EPM2A: variants seen among roughly 807,000 people sequenced by gnomAD.
EPM2A encodes EPM2A glucan phosphatase, laforin.
EPM2A carries 21 observed loss-of-function variants against 26.5 expected under a neutral mutation model. The ratio of observed to expected loss-of-function variants is 0.79; its 90% confidence interval spans 0.56 to 1.14. EPM2A has a LOEUF of 1.14. Among genes scored for constraint, EPM2A ranks in the 50% most tolerant of loss-of-function variants. The pLI is 0.00. For synonymous variants in EPM2A, 217 were observed against 177.6 expected (o/e 1.22, Z -1.76); for missense variants, 458 against 440.8 (o/e 1.04, Z -0.35).
intron 1 of EPM2A, among the ~76,000 whole-genome samples, chr6:145,686,662 C>G (rs1374666934): frequency 6.6e-6 from 1 of 152,094 alleles, no homozygotes; most frequent in African/African-American, 2.4e-5. Flanking sequence ...TTATACACTT[C>G]TATCTTTCTG....
chr6:145,427,115 A>G (rs1363381974), intron 4 of EPM2A, among the ~76,000 whole-genome samples: 1 of 152,234 alleles, frequency 6.6e-6, no homozygotes, highest in East Asian at 1.9e-4. Context: ...ACACAGCATC[A>G]TTCAACAAAT....
At chr6:145,606,481 G>A (rs1775261543) in intron 2 of EPM2A, among the ~76,000 whole-genome samples, 1 of 151,730 alleles carries the variant, frequency 6.6e-6, no homozygotes, top group Non-Finnish European at 1.5e-5. Flanking sequence ...ATTAAATACT[G>A]TATTAAACTT....
chr6:145,615,570 G>A (rs995530590), intron 2 of EPM2A, among the ~76,000 whole-genome samples: 2 of 152,076 alleles, frequency 1.3e-5, no homozygotes, highest in African/African-American at 2.4e-5. Context: ...TGGGTAACAG[G>A]CAGGGGCTGG....
intron 2 of EPM2A, chr6:145,671,158 T>C: frequency 9.9e-7 from 1 of 1,005,870 alleles, no homozygotes; most frequent in Non-Finnish European, 1.2e-6. Context: ...CCAAAAAAGA[T>C]TCTTGTCGAA....
intron 4 of EPM2A, among the ~76,000 whole-genome samples, chr6:145,456,068 T>C (rs1241315321): frequency 6.6e-6 from 1 of 152,170 alleles, no homozygotes; most frequent in Non-Finnish European, 1.5e-5. Context: ...GTGTTGTTCT[T>C]ATTGTATGTA....
chr6:145,495,765 T>C (rs1000762611), intron 4 of EPM2A, among the ~76,000 whole-genome samples: 1 of 151,982 alleles, frequency 6.6e-6, no homozygotes, highest in Non-Finnish European at 1.5e-5. Context: ...TTAGTAGAGA[T>C]GGGGTTTCAC....
At chr6:145,713,501 C>T (rs556518625) in intron 1 of EPM2A, among the ~76,000 whole-genome samples, 14 of 152,264 alleles carry the variant, frequency 9.2e-5, no homozygotes, top group African/African-American at 3.4e-4. Flanking sequence ...AGATACTCAA[C>T]ATCATTAGTC....
chr6:145,567,622 A>G (rs1360127606), intron 2 of EPM2A, among the ~76,000 whole-genome samples: 2 of 152,240 alleles, frequency 1.3e-5, no homozygotes, highest in East Asian at 3.8e-4. Flanking sequence ...ATCCTGGGAC[A>G]TGTAAGAAAA....
chr6:145,454,480 G>T (rs932862319), intron 4 of EPM2A, among the ~76,000 whole-genome samples: 1 of 152,070 alleles, frequency 6.6e-6, no homozygotes, highest in Non-Finnish European at 1.5e-5. Flanking sequence ...ATATTCTCAA[G>T]ATAGTGAACA....
At chr6:145,619,357 A>G (rs1775582692) in intron 2 of EPM2A, among the ~76,000 whole-genome samples, 1 of 152,222 alleles carries the variant, frequency 6.6e-6, no homozygotes, top group Non-Finnish European at 1.5e-5. Flanking sequence ...ATCTGAATGG[A>G]AATTACAATA....
At chr6:145,607,406 T>C (rs1775285672) in intron 2 of EPM2A, among the ~76,000 whole-genome samples, 1 of 152,176 alleles carries the variant, frequency 6.6e-6, no homozygotes, top group African/African-American at 2.4e-5. Context: ...CTGTACAGTA[T>C]GTGACTCTTT....
intron 4 of EPM2A, among the ~76,000 whole-genome samples, chr6:145,459,868 T>C (rs1235710152): frequency 6.6e-6 from 1 of 152,156 alleles, no homozygotes; most frequent in Non-Finnish European, 1.5e-5. Flanking sequence ...TTTCCATAAT[T>C]CATAAAATCA....
At chr6:145,679,885 A>G in intron 2 of EPM2A, among the ~76,000 whole-genome samples, 1 of 152,206 alleles carries the variant, frequency 6.6e-6, no homozygotes, top group Non-Finnish European at 1.5e-5. Flanking sequence ...TTACATAGGC[A>G]TACGAATATA....
intron 2 of EPM2A, among the ~76,000 whole-genome samples, chr6:145,664,381 G>C (rs917995419): frequency 8.1e-6 from 1 of 124,202 alleles, no homozygotes; most frequent in African/African-American, 3.2e-5. Context: ...TGATAAAACA[G>C]ACTTTAAACC....
At chr6:145,572,451 T>C (rs890956945) in intron 2 of EPM2A, among the ~76,000 whole-genome samples, 6 of 152,142 alleles carry the variant, frequency 3.9e-5, no homozygotes, top group Non-Finnish European at 7.3e-5. Flanking sequence ...CATTTGATGA[T>C]GGATGCTGCT....
chr6:145,610,514 T>C (rs1775371117), intron 2 of EPM2A, among the ~76,000 whole-genome samples: 1 of 152,240 alleles, frequency 6.6e-6, no homozygotes, highest in Non-Finnish European at 1.5e-5. Flanking sequence ...CATCCTAAGC[T>C]ACTTTCTATG....
At chr6:145,502,067 G>A (rs1680823057) in intron 3 of EPM2A, among the ~76,000 whole-genome samples, 1 of 152,144 alleles carries the variant, frequency 6.6e-6, no homozygotes, top group South Asian at 2.1e-4. Flanking sequence ...TTATCTAATT[G>A]GACATTGGGA....
intron 3 of EPM2A, 34 bp downstream of exon 3, chr6:145,635,211 T>C (rs1310392926): frequency 1.9e-6 from 3 of 1,613,686 alleles, no homozygotes; most frequent in Non-Finnish European, 2.5e-6. Flanking sequence ...TTCTCTGAAA[T>C]ACAGCAAGGA....
At chr6:145,492,270 G>A (rs997674209) in intron 4 of EPM2A, among the ~76,000 whole-genome samples, 4 of 152,148 alleles carry the variant, frequency 2.6e-5, no homozygotes, top group African/African-American at 9.7e-5. Flanking sequence ...AGAGGAGGAA[G>A]CATGCAGGTG....
Sources: allele counts gnomAD v4.1 joint callset (sites outside exome capture counted in the v4.1 genomes callset), GRCh38; gene constraint gnomAD v4.1.1; transcripts MANE v1.5; gene names NCBI Gene and HGNC (gene_info 2026-07-23, HGNC 2026-07-21).